Variants in NRXN3 observed in about 807,000 individuals in gnomAD.
NRXN3 encodes neurexin III.
In NRXN3, 32 loss-of-function variants were observed where a neutral mutation model predicts 137.6. The ratio of observed to expected loss-of-function variants is 0.23; its 90% CI spans 0.18 to 0.31. The LOEUF (loss-of-function observed/expected upper bound fraction) is 0.31. NRXN3 is among the 10% of genes least tolerant of loss of function. The pLI is 1.00. For missense variants in NRXN3, 1,574 were observed against 2,062.5 expected (o/e 0.76, Z 4.59); for synonymous variants, 798 against 784.5 (o/e 1.02, Z -0.29).
At chr14:79,790,895 C>G (rs1429555706) in intron 19 of NRXN3, among the ~76,000 whole-genome samples, 1 of 151,980 alleles carries the variant, frequency 6.6e-6, no homozygotes, top group African/African-American at 2.4e-5. Flanking sequence ...GTGATCCACC[C>G]GCCTTGACCT....
intron 15 of NRXN3, among the ~76,000 whole-genome samples, chr14:79,374,204 C>A (rs1317473903): frequency 6.6e-6 from 1 of 152,082 alleles, no homozygotes; most frequent in Non-Finnish European, 1.5e-5. Flanking sequence ...AAAATCTTAG[C>A]ACTATCAACT....
At chr14:79,026,610 C>T (rs1018225596) in intron 15 of NRXN3, among the ~76,000 whole-genome samples, 31 of 152,028 alleles carry the variant, frequency 2.0e-4, no homozygotes, top group Admixed American at 1.6e-3. Context: ...ACCCCAGTAA[C>T]GGAACTGCAG....
intron 1 of NRXN3, among the ~76,000 whole-genome samples, chr14:78,200,587 G>A (rs780788935): frequency 3.5e-4 from 54 of 152,222 alleles, no homozygotes; most frequent in Non-Finnish European, 6.6e-4. Flanking sequence ...TAGCTGTAGA[G>A]TATGCTGGGG....
At chr14:79,105,753 T>C (rs1472722755) in intron 15 of NRXN3, among the ~76,000 whole-genome samples, 2 of 152,160 alleles carry the variant, frequency 1.3e-5, no homozygotes, top group African/African-American at 4.8e-5. Context: ...AAACACAGGT[T>C]TCTAATTATA....
At chr14:78,844,495 C>T (rs1029321562) in intron 10 of NRXN3, among the ~76,000 whole-genome samples, 8 of 152,082 alleles carry the variant, frequency 5.3e-5, no homozygotes, top group African/African-American at 1.9e-4. Flanking sequence ...GGGCAAGTTA[C>T]TGCATCTCTC....
At chr14:78,180,640 C>A (rs909941236) in intron 1 of NRXN3, among the ~76,000 whole-genome samples, 1 of 152,192 alleles carries the variant, frequency 6.6e-6, no homozygotes, top group African/African-American at 2.4e-5. Flanking sequence ...GTCCCATATA[C>A]ACTGAGGACA....
At chr14:79,409,221 T>A (rs1201306286) in intron 15 of NRXN3, among the ~76,000 whole-genome samples, 1 of 151,808 alleles carries the variant, frequency 6.6e-6, no homozygotes, top group Non-Finnish European at 1.5e-5. Flanking sequence ...CAGGGTAGCA[T>A]GTGATATATA....
intron 16 of NRXN3, among the ~76,000 whole-genome samples, chr14:79,490,005 C>T (rs971556507): frequency 1.2e-4 from 17 of 141,496 alleles, no homozygotes; most frequent in African/African-American, 4.7e-4. Flanking sequence ...CGCCACTGCA[C>T]TCCAGCGTGG....
At chr14:79,588,859 G>A (rs569180939) in intron 16 of NRXN3, among the ~76,000 whole-genome samples, 206 of 152,184 alleles carry the variant, frequency 1.4e-3, no homozygotes, top group Middle Eastern at 0.01. Flanking sequence ...GGCAAGCAAT[G>A]CATACTAATC....
intron 4 of NRXN3, among the ~76,000 whole-genome samples, chr14:78,432,659 T>C (rs2093930793): frequency 6.6e-6 from 1 of 152,214 alleles, no homozygotes; most frequent in Non-Finnish European, 1.5e-5. Flanking sequence ...TTAAGTTATA[T>C]TGTCTTCTAA....
chr14:78,286,341 G>C (rs2075173200), intron 3 of NRXN3, among the ~76,000 whole-genome samples: 1 of 152,180 alleles, frequency 6.6e-6, no homozygotes, highest in South Asian at 2.1e-4. Context: ...TGTCATTGAT[G>C]AGACCATTGC....
At chr14:78,526,425 G>A (rs1413268116) in intron 4 of NRXN3, among the ~76,000 whole-genome samples, 5 of 152,298 alleles carry the variant, frequency 3.3e-5, no homozygotes, top group African/African-American at 1.2e-4. Flanking sequence ...CTGTGGATAC[G>A]GGATTTGGAG....
At chr14:78,910,989 T>A (rs1035293930) in intron 10 of NRXN3, among the ~76,000 whole-genome samples, 43 of 152,224 alleles carry the variant, frequency 2.8e-4, no homozygotes, top group African/African-American at 1.0e-3. Context: ...TAAATTTGAC[T>A]TTTCATATTC....
At chr14:78,667,628 G>C (rs75613481) in intron 6 of NRXN3, among the ~76,000 whole-genome samples, 1 of 152,142 alleles carries the variant, frequency 6.6e-6, no homozygotes, top group Non-Finnish European at 1.5e-5. Context: ...TTGAAATGTG[G>C]TCAAAGGAGA....
chr14:79,492,954 T>C (rs1438681975), intron 16 of NRXN3, among the ~76,000 whole-genome samples: 2 of 152,132 alleles, frequency 1.3e-5, no homozygotes, highest in African/African-American at 2.4e-5. Context: ...TGATGTCAAA[T>C]GAAGAAATGC....
intron 18 of NRXN3, among the ~76,000 whole-genome samples, chr14:79,694,217 T>G (rs1184713202): frequency 1.3e-5 from 2 of 151,852 alleles, no homozygotes; most frequent in East Asian, 3.9e-4. Context: ...CCACTTAACC[T>G]CTCTATATCT....
chr14:79,855,157 A>G (rs1255420555), intron 20 of NRXN3, among the ~76,000 whole-genome samples: 2 of 152,216 alleles, frequency 1.3e-5, no homozygotes, highest in African/African-American at 4.8e-5. Flanking sequence ...CTTAGAAAAT[A>G]TTTCAGGTGG....
At chr14:78,246,603 C>T (rs1368747768) in intron 2 of NRXN3, among the ~76,000 whole-genome samples, 1 of 152,124 alleles carries the variant, frequency 6.6e-6, no homozygotes. Context: ...TTACTTGGAG[C>T]CTGTTGATCC....
At chr14:79,601,217 A>C (rs994575439) in intron 16 of NRXN3, among the ~76,000 whole-genome samples, 2 of 151,666 alleles carry the variant, frequency 1.3e-5, no homozygotes, top group Non-Finnish European at 2.9e-5. Flanking sequence ...TAATTTTTGT[A>C]TTTTTAGTAG....
Sources: gnomAD v4.1 joint callset for allele counts (sites outside exome capture counted in the v4.1 genomes callset) on GRCh38, gnomAD v4.1.1 for gene constraint, MANE v1.5 for transcripts, NCBI Gene and HGNC (gene_info 2026-07-23, HGNC 2026-07-21) for gene names.